The following COL6A2 variants were observed in gnomAD, a reference collection of about 807,000 sequenced individuals.
The protein encoded by COL6A2 is collagen alpha-2(VI) chain.
COL6A2 carries 90 observed loss-of-function variants against 124.9 expected under a neutral mutation model. The ratio of observed to expected loss-of-function variants is 0.72; its 90% CI spans 0.61 to 0.86. The LOEUF (loss-of-function observed/expected upper bound fraction) is 0.86. Ranked by LOEUF, COL6A2 falls within the 40% of genes least tolerant of loss-of-function variation. The pLI, the probability that COL6A2 is intolerant of heterozygous loss-of-function variation, is 0.00. For missense variants in COL6A2, 1,607 were observed against 1,502.5 expected, an observed-to-expected ratio of 1.07 and a Z score of -1.15; for synonymous variants, 793 against 618.2, an observed-to-expected ratio of 1.28 and a Z score of -4.19.
chr21:46,128,703 A>C (rs1475827404), intron 27 of COL6A2, among the ~76,000 whole-genome samples: 1 of 152,218 alleles, frequency 6.6e-6, no homozygotes, highest in Non-Finnish European at 1.5e-5. Flanking sequence ...TGGAAAGAAA[A>C]GGCAGAGACG....
At chr21:46,127,267 A>G (rs905178384) in intron 27 of COL6A2, among the ~76,000 whole-genome samples, 6 of 152,120 alleles carry the variant, frequency 3.9e-5, no homozygotes, top group African/African-American at 1.4e-4. Flanking sequence ...GGAGGACCAC[A>G]GGGAGGAAAC....
At chr21:46,105,602 G>A (rs1204538463) in intron 1 of COL6A2, among the ~76,000 whole-genome samples, 4 of 152,122 alleles carry the variant, frequency 2.6e-5, no homozygotes, top group Non-Finnish European at 4.4e-5. Flanking sequence ...GAGCCATTCA[G>A]GGAGCAGAGT....
intron 27 of COL6A2, chr21:46,129,538 G>C: frequency 6.7e-7 from 1 of 1,501,674 alleles, no homozygotes; most frequent in South Asian, 1.3e-5. Context: ...TGCCACACTA[G>C]CTTCCCAGGG....
rs780376533 is a variant in COL6A2 at position 46,132,700 on chromosome 21, G to A, written c.*148G>A. 1.3e-4 allele frequency: 111 copies of A among 823,746 alleles called. No homozygotes were observed. Among genetic ancestry groups the A allele is most frequent in the South Asian group, 1.8e-4 (11 of 61,810 alleles). 51.0% of individuals were successfully genotyped at this position (823,746 alleles called of 1,614,324 possible). A position where few individuals can be genotyped will look rare whatever the true frequency, so the allele number is the denominator to read the frequency against. ...CTCCAGCTCCTCCCACGGGGTCCCC[G>A]TAGCCCCGGCCCCCGCCCAGCCCCA... On this transcript the variant is annotated 3_prime_UTR_variant, in exon 28 of 28. Coordinates refer to ENST00000300527, the MANE Select transcript of COL6A2 (RefSeq NM_001849.4).
At chr21:46,122,619 C>T (rs1047262211) in intron 20 of COL6A2, 88 bp downstream of exon 20, 8 of 1,429,900 alleles carry the variant, frequency 5.6e-6, no homozygotes, top group South Asian at 3.5e-5. Flanking sequence ...CCGTCACTGA[C>T]AGGACCACCC....
chr21:46,119,125 T>A lies in COL6A2; in HGVS notation c.1269+6T>A, dbSNP rs1221540406. 6.2e-7 allele frequency: 1 copy of A among 1,607,388 alleles called. No individual in the cohort carries two copies. Among genetic ancestry groups the A allele is most frequent in the Admixed American group, 1.7e-5 (1 of 59,712 alleles). The stretch of plus-strand genomic sequence containing the variant: ...GCGGACCCAAAGGCGAGCCGGTGAG[T>A]CCCTCCTGCCCCTGCCTCAGGGCCC... On this transcript the variant is annotated splice_donor_region_variant and intron_variant, in intron 14 of 27. Transcript: ENST00000300527.
intron 5 of COL6A2, 94 bp from the exon 6 acceptor site, chr21:46,115,778 T>TTGG: frequency 8.8e-7 from 1 of 1,140,120 alleles, no homozygotes; most frequent in Non-Finnish European, 1.3e-6. Context: ...CAGTAACCTC[T>TTGG]GCTGTGTCAC....
At chr21:46,117,771 G>A in intron 11 of COL6A2, 103 bp from the exon 12 acceptor site, 17 of 1,180,474 alleles carry the variant, frequency 1.4e-5, no homozygotes, top group Non-Finnish European at 2.0e-5. Flanking sequence ...CAGTGAGGGT[G>A]GGAGGTGCGT....
At chr21:46,118,784 A>C (rs923127626) in intron 13 of COL6A2, 108 bp downstream of exon 13, 4 of 1,344,144 alleles carry the variant, frequency 3.0e-6, no homozygotes, top group Non-Finnish European at 4.2e-6. Flanking sequence ...ATGGTGCCGC[A>C]TTGGGCTCTG....
chr21:46,114,768 A>G (rs1248136270), intron 5 of COL6A2, among the ~76,000 whole-genome samples: 1 of 152,178 alleles, frequency 6.6e-6, no homozygotes, highest in Non-Finnish European at 1.5e-5. Flanking sequence ...GCATTTTCCT[A>G]ACAGAGGTGC....
rs7283272 is a variant in COL6A2 at position 46,125,503 on chromosome 21, G to A, written c.1855G>A (p.Val619Ile). ...KRCGALDVVF[V>I]IDSSESIGYT... is the part of the protein sequence containing the mutation. ...CTGTGGCGCCCTGGACGTGGTCTTC[G>A]TCATCGACAGCTCCGAGAGCATTGG... Residue 619 changes from valine (V) to isoleucine (I), a missense_variant, in exon 25 of 28, where the codon GTC (valine) becomes ATC (isoleucine). Val to Ile is a conservative substitution (Grantham distance 29). Around this residue, in one of 3 missense-constraint regions of COL6A2, gnomAD observed 1,223 missense variants for 1,052.2 expected, o/e 1.16. Coordinates refer to ENST00000300527, the MANE Select transcript of COL6A2 (RefSeq NM_001849.4). The A allele has an allele frequency of 1.9e-5, 31 of 1,612,846 alleles. No individual in the cohort carries two copies. The highest frequency in any genetic ancestry group is 3.3e-5 in the Admixed American group (2 of 60,006).
Position 46,112,404 on chromosome 21 carries a change from C to A in COL6A2, c.541C>A (p.Arg181Ser). 1 of 1,608,276 alleles carries A rather than the reference C, an allele frequency of 6.2e-7. No individual in the cohort carries two copies. The highest frequency in any genetic ancestry group is 1.1e-5 in the South Asian group (1 of 90,920). ...CATCAAGCTGCAGGCCGAGCGGGCC[C>A]GCGAGGAGGGCATCCGGCTCTTCGC... ...GGIKLQAERAREEGIRLFAVA... is the reference protein window; with the variant it reads ...GGIKLQAERASEEGIRLFAVA... Residue 181 changes from arginine to serine, a missense_variant, in exon 3 of 28, where the codon CGC becomes AGC. Physicochemically the swap from Arg to Ser is moderately radical, Grantham distance 110 (BLOSUM62 -1). Coordinates refer to ENST00000300527, the MANE Select transcript of COL6A2 (RefSeq NM_001849.4).
intron 5 of COL6A2, among the ~76,000 whole-genome samples, chr21:46,115,599 G>A (rs2078458664): frequency 6.6e-6 from 1 of 152,186 alleles, no homozygotes; most frequent in African/African-American, 2.4e-5. Flanking sequence ...ACCCCCACGG[G>A]CCAGGCACCC....
intron 21 of COL6A2, among the ~76,000 whole-genome samples, chr21:46,123,904 TGGGTGGGTGGATAGA>T (rs1568937186): frequency 1.3e-4 from 18 of 142,742 alleles, no homozygotes; most frequent in African/African-American, 4.1e-4. Flanking sequence ...GATAGATGGA[TGGGTGGGTGGATAGA>T]GGATGGATGG....
intron 1 of COL6A2, among the ~76,000 whole-genome samples, chr21:46,099,903 T>G (rs954802608): frequency 6.8e-6 from 1 of 147,348 alleles, no homozygotes; most frequent in Non-Finnish European, 1.5e-5. Context: ...TTTTTTTTTT[T>G]TTTTTTTTTC....
chr21:46,122,818 G>T (rs2078587582), intron 20 of COL6A2, 57 bp from the exon 21 acceptor site: 1 of 1,499,638 alleles, frequency 6.7e-7, no homozygotes, highest in Non-Finnish European at 9.3e-7. Context: ...AATCTCACTG[G>T]TGTCCCTGGT....
intron 27 of COL6A2, among the ~76,000 whole-genome samples, chr21:46,130,562 TC>T (rs2078747327): frequency 3.3e-5 from 5 of 150,934 alleles, no homozygotes; most frequent in Admixed American, 2.6e-4. Context: ...GAGAGCAGAG[TC>T]CACAGACATC....
rs988868206 is a variant in COL6A2, at chr21:46,120,650, A to C, written c.1395+73A>C. Reference sequence around the variant, plus strand: ...GTGCAGGGGGGCTGCACCCCAAGGTAGGGTGGCCGGGACTGCACCCCAAGG... The same window carrying C: ...GTGCAGGGGGGCTGCACCCCAAGGTCGGGTGGCCGGGACTGCACCCCAAGG... On this transcript the variant is annotated intron_variant, in intron 16 of 27. Coordinates refer to ENST00000300527, the MANE Select transcript of COL6A2 (RefSeq NM_001849.4). 5.2e-5 allele frequency: 71 copies of C among 1,370,264 alleles called. No individual in the cohort carries two copies. The African/African-American group carries it at 1.1e-3, about 20-fold the overall frequency. The allele number at this position is 1,370,264 out of a possible 1,614,324, so 84.9% of individuals were successfully genotyped here. A position where few individuals can be genotyped will look rare whatever the true frequency, so the allele number is the denominator to read the frequency against.
chr21:46,118,277 G>A (rs1434451003), intron 12 of COL6A2, among the ~76,000 whole-genome samples: 1 of 152,070 alleles, frequency 6.6e-6, no homozygotes, highest in African/African-American at 2.4e-5. Context: ...CTGCAGTGTC[G>A]CCCCGCCCCT....
Sources: gnomAD v4.1 joint callset for allele counts (sites outside exome capture counted in the v4.1 genomes callset) on GRCh38, gnomAD v4.1.1 for gene constraint, gnomAD v4.1.1 regional missense constraint, MANE v1.5 for transcripts, NCBI Gene and HGNC (gene_info 2026-07-23, HGNC 2026-07-21) for gene names.